SERPINF1: variants seen among roughly 807,000 people sequenced by gnomAD.
SERPINF1 encodes the protein pigment epithelium-derived factor.
Under a neutral mutation model 37.3 loss-of-function variants are expected in SERPINF1, and 29 were observed. The observed-to-expected ratio is 0.78, with a 90% CI of 0.58 to 1.06. The LOEUF (loss-of-function observed/expected upper bound fraction) is 1.06, where lower values mean the gene tolerates loss of function less well. Among genes scored for constraint, SERPINF1 ranks in the 50% least tolerant of loss-of-function variants. The probability of loss-of-function intolerance (pLI) is 0.00; values close to 1 mark genes in which losing one functional copy is unlikely to be tolerated. For synonymous variants in SERPINF1, 281 were observed against 227.9 expected (o/e 1.23, Z -2.10); for missense variants, 553 against 532.2 (o/e 1.04, Z -0.38).
At chr17:1,775,722 C>A (rs533536497) in intron 6 of SERPINF1, among the ~76,000 whole-genome samples, 1 of 152,006 alleles carries the variant, frequency 6.6e-6, no homozygotes, top group East Asian at 1.9e-4. Context: ...TTTATACAGA[C>A]GGGGTTTCTC....
Position 1,777,497 on chromosome 17 carries a change from G to A in SERPINF1, c.*51G>A. The A allele has an allele frequency of 1.2e-6, 2 of 1,611,668 alleles. No homozygotes were observed. The highest frequency in any genetic ancestry group is 1.7e-6 in the Non-Finnish European group (2 of 1,178,582). ...CTAGAAGAAAACCCGAGGGACAGCA[G>A]ATTCCACAGGACACGAAGGCTGCCC... is the stretch of plus-strand genomic sequence containing the variant. On this transcript the variant is annotated 3_prime_UTR_variant, in exon 8 of 8. Coordinates refer to ENST00000254722, the MANE Select transcript of SERPINF1 (RefSeq NM_002615.7).
Position 1,777,349 on chromosome 17 carries a change from A to ACTATCACCTTAACCAGCCTT in SERPINF1, c.1161_1180dup (p.Phe394SerfsTer12). ...CCTGCCCACCTCACCTTCCCGCTGG[A>ACTATCACCTTAACCAGCCTT]CTATCACCTTAACCAGCCTTTCATC... On this transcript the variant is annotated frameshift_variant, in exon 8 of 8. Transcript: ENST00000254722. LOFTEE classifies it high-confidence loss of function. 6.2e-7 allele frequency: 1 copy of ACTATCACCTTAACCAGCCTT among 1,614,108 alleles called. No individual in the cohort carries two copies. The highest frequency in any genetic ancestry group is 8.5e-7 in the Non-Finnish European group (1 of 1,180,018).
At chr17:1,770,929 G>A (rs540073570) in intron 3 of SERPINF1, 100 bp from the exon 4 acceptor site, 2 of 1,467,712 alleles carry the variant, frequency 1.4e-6, no homozygotes, top group East Asian at 2.3e-5. Flanking sequence ...TGGGCTCTCA[G>A]CAGACAAAAA....
intron 1 of SERPINF1, chr17:1,762,405 G>A (rs9892691): frequency 0.068 from 10,347 of 152,846 alleles, 602 homozygotes; most frequent in African/African-American, 0.15. Context: ...GGGAAACAGC[G>A]GAGGGGCGGT....
chr17:1,772,020 A>G lies in SERPINF1; in HGVS notation c.588A>G (p.Thr196=). ...AQMKGKLARS[T]KEIPDEISIL... is the part of the protein sequence containing the mutation. ...TGAAAGGGAAGCTCGCCAGGTCCAC[A>G]AAGGAAATTCCCGATGAGATCAGCA... is the stretch of plus-strand genomic sequence containing the variant. Residue 196 remains threonine, a synonymous_variant, in exon 5 of 8, where the codon ACA becomes ACG. Transcript: ENST00000254722. The G allele has an allele frequency of 6.2e-7, 1 of 1,613,766 alleles. No homozygotes were observed. The highest frequency in any genetic ancestry group is 8.5e-7 in the Non-Finnish European group (1 of 1,179,992).
At position 1,767,205 on chromosome 17, in the gene SERPINF1, A is replaced by C. The variant is rs72822445; in HGVS notation, c.84+211A>C. Reference sequence around the variant, plus strand: ...GGAGTAGGGACATGAATAAGATCCCAAAAGAGTAAAAATCTGAAGCACTTT... The same window carrying C: ...GGAGTAGGGACATGAATAAGATCCCCAAAGAGTAAAAATCTGAAGCACTTT... On this transcript the variant is annotated intron_variant, in intron 2 of 7. Coordinates refer to ENST00000254722, the MANE Select transcript of SERPINF1 (RefSeq NM_002615.7). Among the ~76,000 whole-genome samples, 6,908 of 152,276 alleles carry C rather than the reference A, an allele frequency of 0.045. 220 individuals are homozygous for C. Among genetic ancestry groups the C allele is most frequent in the Non-Finnish European group, 0.071 (4,808 of 68,004 alleles).
chr17:1,776,736 G>GAC lies in SERPINF1; in HGVS notation c.992_993insCA (p.Glu331AspfsTer3). The GAC allele has an allele frequency of 6.2e-7, 1 of 1,613,018 alleles. No individual in the cohort carries two copies. Among genetic ancestry groups the GAC allele is most frequent in the Non-Finnish European group, 8.5e-7 (1 of 1,179,574 alleles). On this transcript the variant is annotated frameshift_variant, in exon 7 of 8. Transcript: ENST00000254722. LOFTEE classifies it high-confidence loss of function. ...AGGCGAAGTCACCAAGTCCCTGCAG[G>GAC]AGATGAGTATGTCTGAAGACCCTTT...
intron 1 of SERPINF1, among the ~76,000 whole-genome samples, chr17:1,765,712 C>T (rs192591493): frequency 2.0e-5 from 3 of 151,952 alleles, no homozygotes; most frequent in Non-Finnish European, 4.4e-5. Context: ...AGCACTGAGA[C>T]CATGTGTGAT....
chr17:1,766,708 C>T, intron 1 of SERPINF1, 195 bp from the exon 2 acceptor site: 3 of 579,326 alleles, frequency 5.2e-6, no homozygotes, highest in Non-Finnish European at 9.2e-6. Context: ...GAGAACCTTG[C>T]TGGGAGGGAT....
At position 1,771,939 on chromosome 17, in the gene SERPINF1, G is replaced by A. The variant is rs1271321613; in HGVS notation, c.507G>A (p.Leu169=). 1.9e-6 allele frequency: 3 copies of A among 1,614,044 alleles called. No homozygotes were observed. The highest frequency in any genetic ancestry group is 2.2e-5 in the East Asian group (1 of 44,872). Residue 169 remains leucine, a synonymous_variant, in exon 5 of 8, where the codon CTG becomes CTA. Coordinates refer to ENST00000254722, the MANE Select transcript of SERPINF1 (RefSeq NM_002615.7). ...CATATGGGACCAGGCCCAGAGTCCT[G>A]ACGGGCAACCCTCGCTTGGACCTGC... is the stretch of plus-strand genomic sequence containing the variant. ...EKSYGTRPRV[L]TGNPRLDLQE...
At chr17:1,767,056 G>A (rs1465845852) in intron 2 of SERPINF1, 62 bp downstream of exon 2, 8 of 1,443,612 alleles carry the variant, frequency 5.5e-6, no homozygotes, top group Middle Eastern at 2.2e-4. Flanking sequence ...CAGGCAGCAC[G>A]GGAAACAGGA....
chr17:1,771,760 G>A (rs1014383321), intron 4 of SERPINF1, 112 bp from the exon 5 acceptor site: 127 of 992,850 alleles, frequency 1.3e-4, no homozygotes, highest in Non-Finnish European at 1.8e-4. Context: ...ATGCTGGCTG[G>A]GAAGTCAGGG....
At chr17:1,769,765 C>T in intron 2 of SERPINF1, 87 bp from the exon 3 acceptor site, 2 of 1,452,996 alleles carry the variant, frequency 1.4e-6, no homozygotes, top group Admixed American at 3.3e-5. Context: ...CCAGAACCAC[C>T]ACCCTACACA....
intron 2 of SERPINF1, among the ~76,000 whole-genome samples, chr17:1,768,042 A>T: frequency 6.6e-6 from 1 of 151,950 alleles, no homozygotes; most frequent in African/African-American, 2.4e-5. Context: ...TGTCTCTACA[A>T]AAAAGCAAAA....
chr17:1,770,358 G>A (rs918737479), intron 3 of SERPINF1, among the ~76,000 whole-genome samples: 21 of 152,116 alleles, frequency 1.4e-4, no homozygotes, highest in African/African-American at 4.8e-4. Flanking sequence ...TAGGTTCCTG[G>A]GATGTAACTG....
chr17:1,776,937 A>G (rs1908070857), intron 7 of SERPINF1, among the ~76,000 whole-genome samples, 195 bp downstream of exon 7: 1 of 151,238 alleles, frequency 6.6e-6, no homozygotes. Context: ...CAGCCTCACG[A>G]GCAGACCTCC....
rs574314825 is a variant in SERPINF1 at position 1,765,135 on chromosome 17, C to T, written c.-8-1768C>T. Among the ~76,000 whole-genome samples, 1,053 of 139,722 alleles carry T rather than the reference C, an allele frequency of 7.5e-3. 4 individuals are homozygous for T. Among genetic ancestry groups the T allele is most frequent in the Non-Finnish European group, 0.013 (827 of 65,312 alleles). The allele number at this position is 139,722 out of a possible 152,430, so 91.7% of individuals were successfully genotyped here. On this transcript the variant is annotated intron_variant, in intron 1 of 7. Coordinates refer to ENST00000254722, the MANE Select transcript of SERPINF1 (RefSeq NM_002615.7). ...CTGGGATTACAGGTTTGAGCCACTG[C>T]GCCTGGCCTTTTTTTTTTTTTTTGA...
chr17:1,768,545 C>G (rs1907530901), intron 2 of SERPINF1, among the ~76,000 whole-genome samples: 1 of 151,692 alleles, frequency 6.6e-6, no homozygotes, highest in African/African-American at 2.4e-5. Flanking sequence ...GCGATCTTGG[C>G]TCACTGCAAT....
chr17:1,771,850 C>T, intron 4 of SERPINF1, 22 bp from the exon 5 acceptor site: 6 of 1,607,240 alleles, frequency 3.7e-6, no homozygotes, highest in Non-Finnish European at 5.1e-6. Context: ...CATACGCTAA[C>T]CTCTGCTCCG....
Sources: allele counts gnomAD v4.1 joint callset (sites outside exome capture counted in the v4.1 genomes callset), GRCh38; gene constraint gnomAD v4.1.1; transcripts MANE v1.5; gene names NCBI Gene and HGNC (gene_info 2026-07-23, HGNC 2026-07-21).